CFAP54: variants seen among roughly 807,000 people sequenced by gnomAD.
CFAP54 encodes the protein cilia and flagella associated protein 54, also known as cilia- and flagella-associated protein 54.
CFAP54 carries 290 observed loss-of-function variants against 370.4 expected under a neutral mutation model. That is an observed-to-expected ratio of 0.78 (90% confidence interval 0.71 to 0.86). The LOEUF (loss-of-function observed/expected upper bound fraction) is 0.86, where lower values mean the gene tolerates loss of function less well. Among genes scored for constraint, CFAP54 ranks in the 40% least tolerant of loss-of-function variants. CFAP54 has a pLI of 0.00. For synonymous variants in CFAP54, 1,206 were observed against 1,236.5 expected (o/e 0.98, Z 0.52); for missense variants, 3,399 against 3,528.7 (o/e 0.96, Z 0.93).
intron 66 of CFAP54, among the ~76,000 whole-genome samples, chr12:96,851,873 T>G (rs2136455171): frequency 6.6e-6 from 1 of 152,190 alleles, no homozygotes; most frequent in African/African-American, 2.4e-5. Flanking sequence ...ATGGGAGTTC[T>G]TAGCCTGTGA....
chr12:96,792,503 T>C lies in CFAP54; in HGVS notation c.8850+4T>C. On this transcript the variant is annotated splice_donor_region_variant and intron_variant, in intron 63 of 67. Transcript: ENST00000524981. ...TCCCAAGGAGACAGAACCTATGGTATGTAATGTACTTATAGAACTCAATAT... is the reference window on the plus strand; with the variant it reads ...TCCCAAGGAGACAGAACCTATGGTACGTAATGTACTTATAGAACTCAATAT... 6.6e-7 allele frequency: 1 copy of C among 1,522,796 alleles called. No homozygotes were observed. Among genetic ancestry groups the C allele is most frequent in the Non-Finnish European group, 8.8e-7 (1 of 1,139,680 alleles). 94.3% of individuals were successfully genotyped at this position (1,522,796 alleles called of 1,614,324 possible).
At position 96,644,372 on chromosome 12, in the gene CFAP54, C is replaced by A. The variant is rs998293268; in HGVS notation, c.4511C>A (p.Thr1504Lys). 6 of 1,535,494 alleles carry A rather than the reference C, an allele frequency of 3.9e-6. No homozygotes were observed. In the African/African-American group the frequency reaches 6.9e-5, roughly 18 times the overall value. ...GTTTTACAAAAGCTATGGGAGTGTA[C>A]GAAGATGAAATTTGGCACATCACAT... ...NLVLQKLWECTKMKFGTSHMM... is the reference protein window; with the variant it reads ...NLVLQKLWECKKMKFGTSHMM... Residue 1504 changes from threonine to lysine, a missense_variant, in exon 33 of 68, where the codon ACG becomes AAG. This residue lies in a region of CFAP54 where 2,796 missense variants were observed against 2,869.7 expected (regional missense o/e 0.97). Coordinates refer to ENST00000524981, the MANE Select transcript of CFAP54 (RefSeq NM_001306084.2).
intron 45 of CFAP54, among the ~76,000 whole-genome samples, chr12:96,696,413 T>G (rs932701483): frequency 1.3e-5 from 2 of 152,112 alleles, no homozygotes; most frequent in Non-Finnish European, 2.9e-5. Context: ...AGGGTTGCAA[T>G]GATCATAACT....
rs376140639 is a variant in CFAP54 at position 96,679,618 on chromosome 12, C to G, written c.5582C>G (p.Ala1861Gly). 6.2e-7 allele frequency: 1 copy of G among 1,612,792 alleles called. No homozygotes were observed. The highest frequency in any genetic ancestry group is 8.5e-7 in the Non-Finnish European group (1 of 1,179,450). Residue 1861 changes from alanine to glycine, a missense_variant, in exon 40 of 68, where the codon GCG (alanine) becomes GGG (glycine). Ala to Gly is a moderately conservative substitution (Grantham distance 60, BLOSUM62 0). Transcript: ENST00000524981. ...CTTTCAGAATACAGCCGAGCCAAAG[C>G]GCTTGTCTGCGTGCCCGTGGACGTG... ...LISSEYSRAK[A>G]LVCVPVDVTD...
intron 26 of CFAP54, among the ~76,000 whole-genome samples, chr12:96,610,847 C>T (rs778786643): frequency 1.1e-4 from 17 of 152,084 alleles, no homozygotes; most frequent in Non-Finnish European, 1.9e-4. Flanking sequence ...GGGAGGGGCA[C>T]CTGCCATTGC....
intron 25 of CFAP54, 98 bp from the exon 26 acceptor site, chr12:96,598,547 T>C (rs1403823975): frequency 1.9e-5 from 8 of 431,474 alleles, no homozygotes; most frequent in Non-Finnish European, 3.3e-5. Context: ...AACAAAATTT[T>C]ATGTCTTAAA....
chr12:96,608,308 T>TAC (rs5800256), intron 26 of CFAP54, among the ~76,000 whole-genome samples: 12,482 of 150,682 alleles, frequency 0.083, 663 homozygotes, highest in Middle Eastern at 0.14. Context: ...CATATATATA[T>TAC]ACACACACAC....
At chr12:96,572,914 G>T (rs1955937449) in intron 19 of CFAP54, 1 of 985,412 alleles carries the variant, frequency 1.0e-6, no homozygotes, top group South Asian at 4.7e-5. Flanking sequence ...TGGATTCATT[G>T]ATGTGCAGAA....
intron 63 of CFAP54, among the ~76,000 whole-genome samples, chr12:96,805,326 C>T (rs1224276820): frequency 6.6e-6 from 1 of 151,686 alleles, no homozygotes; most frequent in African/African-American, 2.4e-5. Flanking sequence ...GAAAAAATTG[C>T]AAACTATGTA....
At chr12:96,829,574 T>A (rs1167340992) in intron 66 of CFAP54, among the ~76,000 whole-genome samples, 1 of 152,134 alleles carries the variant, frequency 6.6e-6, no homozygotes, top group Non-Finnish European at 1.5e-5. Flanking sequence ...TTTACATAGC[T>A]AGATCTTTAT....
At chr12:96,544,178 A>T (rs75576253) in intron 14 of CFAP54, among the ~76,000 whole-genome samples, 2 of 109,414 alleles carry the variant, frequency 1.8e-5, no homozygotes, top group South Asian at 5.0e-4. Context: ...TGTATGTTTT[A>T]TATATATATA....
intron 63 of CFAP54, among the ~76,000 whole-genome samples, chr12:96,801,091 C>T (rs764904655): frequency 2.0e-5 from 3 of 152,204 alleles, no homozygotes; most frequent in Non-Finnish European, 4.4e-5. Flanking sequence ...GATCCACCCA[C>T]TTGGTCCCTT....
At chr12:96,787,082 G>A (rs1958637146) in intron 62 of CFAP54, among the ~76,000 whole-genome samples, 184 bp downstream of exon 62, 1 of 152,170 alleles carries the variant, frequency 6.6e-6, no homozygotes, top group African/African-American at 2.4e-5. Flanking sequence ...TTTTAGGACA[G>A]TTCACATTTC....
intron 42 of CFAP54, among the ~76,000 whole-genome samples, chr12:96,686,358 A>G (rs1463695779): frequency 3.3e-5 from 5 of 152,152 alleles, no homozygotes; most frequent in Admixed American, 2.0e-4. Flanking sequence ...CATGTTCACA[A>G]TCTGAGGTTA....
In CFAP54 at chr12:96,718,503, T is replaced by A; in HGVS notation, c.6785T>A (p.Ile2262Asn). 6.4e-7 allele frequency: 1 copy of A among 1,569,542 alleles called. No individual in the cohort carries two copies. Among genetic ancestry groups the A allele is most frequent in the African/African-American group, 1.3e-5 (1 of 74,100 alleles). Residue 2262 changes from isoleucine (I) to asparagine (N), a missense_variant, in exon 49 of 68, where the codon ATC (isoleucine) becomes AAC (asparagine). Around this residue, in one of 3 missense-constraint regions of CFAP54, gnomAD observed 2,796 missense variants for 2,869.7 expected, o/e 0.97. Coordinates refer to ENST00000524981, the MANE Select transcript of CFAP54 (RefSeq NM_001306084.2). ...AATCTTACAAAACTTAAAGATGAGA[T>A]CACTCTTAGCATGCTAAAGGTAAGT... Reference protein sequence around the residue: ...FYNLTKLKDEITLSMLKSMLL... With the variant: ...FYNLTKLKDENTLSMLKSMLL...
chr12:96,501,139 G>A (rs1480720634), intron 2 of CFAP54, 200 bp downstream of exon 2: 5 of 440,698 alleles, frequency 1.1e-5, no homozygotes, highest in South Asian at 8.6e-5. Context: ...TTTCCCAGAG[G>A]TGAGACATTC....
chr12:96,857,743 G>A (rs1325542985), intron 66 of CFAP54, among the ~76,000 whole-genome samples: 3 of 151,992 alleles, frequency 2.0e-5, no homozygotes, highest in Non-Finnish European at 4.4e-5. Flanking sequence ...TTCCTCCTTT[G>A]TTCTCTCTTT....
chr12:96,490,743 A>G (rs1432474928), intron 1 of CFAP54, among the ~76,000 whole-genome samples: 1 of 152,008 alleles, frequency 6.6e-6, no homozygotes, highest in Non-Finnish European at 1.5e-5. Flanking sequence ...ATTTATGCAT[A>G]TAACAACTAT....
Position 96,535,501 on chromosome 12 carries a change from C to T in CFAP54, c.1706-14C>T. 1 of 1,511,554 alleles carries T rather than the reference C, an allele frequency of 6.6e-7. No homozygotes were observed. The highest frequency in any genetic ancestry group is 1.2e-5 in the South Asian group (1 of 82,230). 93.6% of individuals were successfully genotyped at this position (1,511,554 alleles called of 1,614,324 possible). ...GATTTTTTTGTTTCATTTTCCTCTA[C>T]TTTATGAACTTAGATACTTGTTTGA... is the stretch of plus-strand genomic sequence containing the variant. On this transcript the variant is annotated splice_polypyrimidine_tract_variant and intron_variant, in intron 11 of 67. Transcript: ENST00000524981.
Sources: gnomAD v4.1 joint callset for allele counts (sites outside exome capture counted in the v4.1 genomes callset) on GRCh38, gnomAD v4.1.1 for gene constraint, gnomAD v4.1.1 regional missense constraint, MANE v1.5 for transcripts, NCBI Gene and HGNC (gene_info 2026-07-23, HGNC 2026-07-21) for gene names.